PLEKHG4B: variants seen among roughly 807,000 people sequenced by gnomAD.
The protein encoded by PLEKHG4B is pleckstrin homology and RhoGEF domain containing G4B.
In PLEKHG4B, 111 loss-of-function variants were observed where a neutral mutation model predicts 121.3. The observed-to-expected ratio is 0.92, with a 90% confidence interval of 0.78 to 1.07. The LOEUF is 1.07. Among genes scored for constraint, PLEKHG4B ranks in the 50% least tolerant of loss-of-function variants. PLEKHG4B has a pLI of 0.00. For synonymous variants in PLEKHG4B, 738 were observed against 725.0 expected, an observed-to-expected ratio of 1.02 and a Z score of -0.29; for missense variants, 1,831 against 1,757.8, an observed-to-expected ratio of 1.04 and a Z score of -0.74.
chr5:180,413 C>T (rs1203486589), intron 18 of PLEKHG4B, among the ~76,000 whole-genome samples: 1 of 152,158 alleles, frequency 6.6e-6, no homozygotes, highest in Non-Finnish European at 1.5e-5. Flanking sequence ...TTTATCTCCC[C>T]ACCCTGTGCG....
chr5:160,265 C>A (rs1472549216), intron 11 of PLEKHG4B, among the ~76,000 whole-genome samples: 1 of 152,244 alleles, frequency 6.6e-6, no homozygotes, highest in Non-Finnish European at 1.5e-5. Context: ...CTGGGCTCCT[C>A]CCCTCTCTGC....
In PLEKHG4B at chr5:163,455, A is replaced by G. The variant is rs769786914; in HGVS notation, c.3383A>G (p.His1128Arg). The G allele has an allele frequency of 6.2e-7, 1 of 1,612,930 alleles. No homozygotes were observed. Among genetic ancestry groups the G allele is most frequent in the Non-Finnish European group, 8.5e-7 (1 of 1,180,030 alleles). ...ATEKKLPLWQ[H>R]ARSPPVTQSR... ...GAGAAGAAGCTCCCGCTGTGGCAGC[A>G]TGCCAGGAGCCCCCCGGTCACTCAG... Residue 1128 changes from histidine (H) to arginine (R), a missense_variant, in exon 13 of 20, where the codon CAT becomes CGT. Physicochemically the swap from His to Arg is conservative, Grantham distance 29. Coordinates refer to ENST00000637938, the MANE Select transcript of PLEKHG4B (RefSeq NM_052909.5).
intron 12 of PLEKHG4B, among the ~76,000 whole-genome samples, chr5:162,428 C>G (rs1349271395): frequency 2.0e-5 from 3 of 152,170 alleles, no homozygotes. Context: ...CGTCACGCCT[C>G]TCTCAGCTCA....
intron 13 of PLEKHG4B, among the ~76,000 whole-genome samples, chr5:166,622 C>G (rs1736361384): frequency 6.8e-6 from 1 of 148,038 alleles, no homozygotes; most frequent in South Asian, 2.2e-4. Context: ...GGCAACACTC[C>G]CTCGCCTGCC....
intron 6 of PLEKHG4B, among the ~76,000 whole-genome samples, chr5:148,244 G>T (rs191393799): frequency 6.6e-6 from 1 of 151,558 alleles, no homozygotes; most frequent in Admixed American, 6.6e-5. Context: ...AAAAAGTGGG[G>T]GGTGGGGGAG....
rs564494936 is a variant in PLEKHG4B, at chr5:126,920, A to C, written c.244-12563A>C. Among the ~76,000 whole-genome samples, 10 of 152,302 alleles carry C rather than the reference A, an allele frequency of 6.6e-5. No homozygotes were observed. In the East Asian group the frequency reaches 1.9e-3, roughly 29 times the overall value. Reference sequence around the variant, plus strand: ...CTTGAGGAGGTGGTATTCCATTTACATGGGGCCCACAGATTGGTTGGACCA... The same window carrying C: ...CTTGAGGAGGTGGTATTCCATTTACCTGGGGCCCACAGATTGGTTGGACCA... On this transcript the variant is annotated intron_variant, in intron 2 of 19. Transcript: ENST00000637938.
chr5:102,906 C>T (rs529708735), intron 1 of PLEKHG4B, among the ~76,000 whole-genome samples: 48 of 152,276 alleles, frequency 3.2e-4, no homozygotes, highest in Non-Finnish European at 5.6e-4. Flanking sequence ...CTGATGCTGG[C>T]TGTGTCTGAC....
At chr5:155,111 C>A (rs143297537) in intron 8 of PLEKHG4B, 120 bp downstream of exon 8, 2 of 962,002 alleles carry the variant, frequency 2.1e-6, no homozygotes, top group Non-Finnish European at 3.2e-6. Context: ...TTGTTACAGT[C>A]GCCGTTCAGG....
At chr5:158,259 G>T (rs190053981) in intron 11 of PLEKHG4B, among the ~76,000 whole-genome samples, 20 of 132,584 alleles carry the variant, frequency 1.5e-4, no homozygotes, top group Non-Finnish European at 2.5e-4. Flanking sequence ...CATCCTGGGG[G>T]TCTCCTCCAT....
At chr5:141,881 C>A (rs964814587) in intron 3 of PLEKHG4B, among the ~76,000 whole-genome samples, 2 of 152,168 alleles carry the variant, frequency 1.3e-5, no homozygotes, top group East Asian at 3.8e-4. Flanking sequence ...GCTCCCCCCG[C>A]GGTGCCTGGA....
chr5:162,252 TGCTCGCCTGCGAGCTCCCACGCGCCCCA>T (rs1379857778), intron 12 of PLEKHG4B, among the ~76,000 whole-genome samples: 1 of 146,540 alleles, frequency 6.8e-6, no homozygotes, highest in Non-Finnish European at 1.5e-5. Context: ...TACAGCAGAC[TGCTCGCCTGCGAGCTCCCACGCGCCCCA>T]GACCGCACGC....
In PLEKHG4B at chr5:139,822, G is replaced by C; in HGVS notation, c.583G>C (p.Val195Leu). The C allele has an allele frequency of 5.0e-6, 2 of 398,822 alleles. No homozygotes were observed. Among genetic ancestry groups the C allele is most frequent in the Non-Finnish European group, 8.8e-6 (2 of 226,236 alleles). The allele number at this position is 398,822 out of a possible 1,614,324, so 24.7% of individuals were successfully genotyped here. The change falls in exon 3 of 20, where the codon GTC becomes CTC. Residue 195 changes from valine (V) to leucine (L), a missense_variant. By Grantham distance (32) the Val-to-Leu change is conservative. Coordinates refer to ENST00000637938, the MANE Select transcript of PLEKHG4B (RefSeq NM_052909.5). This position sits in a 1 kb window ranked among gnomAD's most constrained non-coding sequence, Gnocchi z 5.0. ...CGTCCACCGAGCCCCGTGGAGCGAC[G>C]TCACTGACCCTGTCTTTGTCCCCAG... ...LAVHRAPWSD[V>L]TDPVFVPSPG...
intron 18 of PLEKHG4B, among the ~76,000 whole-genome samples, 198 bp downstream of exon 18, chr5:174,296 G>C (rs1232512569): frequency 7.5e-6 from 1 of 133,232 alleles, no homozygotes; most frequent in African/African-American, 2.9e-5. Flanking sequence ...CTGGGGTGGG[G>C]GCTGGAGACT....
At chr5:102,830 G>A (rs996378090) in intron 1 of PLEKHG4B, among the ~76,000 whole-genome samples, 2 of 152,190 alleles carry the variant, frequency 1.3e-5, no homozygotes, top group African/African-American at 4.8e-5. Context: ...AACTCCTAGG[G>A]TGCTCACGGA....
intron 2 of PLEKHG4B, among the ~76,000 whole-genome samples, chr5:135,700 T>TATATATAC (rs1734960251): frequency 5.7e-5 from 4 of 69,596 alleles, no homozygotes; most frequent in African/African-American, 3.0e-4. Context: ...TATATATATA[T>TATATATAC]ATATATATAT....
intron 18 of PLEKHG4B, 91 bp downstream of exon 18, chr5:174,189 T>C: frequency 1.2e-6 from 1 of 834,392 alleles, no homozygotes; most frequent in Non-Finnish European, 1.5e-6. Context: ...AGCCAGGGGC[T>C]GAGTCCAGGG....
chr5:179,160 T>A (rs547428927), intron 18 of PLEKHG4B, among the ~76,000 whole-genome samples: 61 of 152,306 alleles, frequency 4.0e-4, no homozygotes, highest in African/African-American at 1.3e-3. Flanking sequence ...GAACTTTTGG[T>A]GTTCTTATAT....
At chr5:147,699 A>G (rs951230528) in intron 6 of PLEKHG4B, among the ~76,000 whole-genome samples, 2 of 152,224 alleles carry the variant, frequency 1.3e-5, no homozygotes, top group Non-Finnish European at 2.9e-5. Context: ...TGACTTTTTC[A>G]AAAGAAATTC....
intron 7 of PLEKHG4B, among the ~76,000 whole-genome samples, chr5:152,689 C>CT (rs745667239): frequency 6.6e-6 from 1 of 152,170 alleles, no homozygotes; most frequent in Non-Finnish European, 1.5e-5. Context: ...GCTCCTTACT[C>CT]TGTCATCTCT....
Sources: allele counts gnomAD v4.1 joint callset (sites outside exome capture counted in the v4.1 genomes callset), GRCh38; gene constraint gnomAD v4.1.1; non-coding constraint Gnocchi (gnomAD v3.1); transcripts MANE v1.5; gene names NCBI Gene and HGNC (gene_info 2026-07-23, HGNC 2026-07-21).